The following UNC13C variants were observed in gnomAD, a reference collection of about 807,000 sequenced individuals.
UNC13C encodes the protein unc-13 homolog C.
A neutral mutation model predicts 245.4 loss-of-function variants in UNC13C; 174 were observed. The observed-to-expected ratio is 0.71, with a 90% confidence interval of 0.63 to 0.80. The LOEUF (loss-of-function observed/expected upper bound fraction) is 0.80. Ranked by LOEUF, UNC13C falls within the 30% of genes least tolerant of loss-of-function variation. The pLI, the probability that UNC13C is intolerant of heterozygous loss-of-function variation, is 0.00. For missense variants in UNC13C, 2,829 were observed against 2,602.9 expected, an observed-to-expected ratio of 1.09 and a Z score of -1.89; for synonymous variants, 992 against 895.1, an observed-to-expected ratio of 1.11 and a Z score of -1.93.
chr15:54,167,278 G>A (rs2033197923), intron 4 of UNC13C, among the ~76,000 whole-genome samples: 1 of 151,946 alleles, frequency 6.6e-6, no homozygotes, highest in Non-Finnish European at 1.5e-5. Flanking sequence ...CGAGGCAGGC[G>A]GATCACGAGG....
intron 1 of UNC13C, among the ~76,000 whole-genome samples, chr15:53,984,491 G>A (rs1894049478): frequency 6.6e-6 from 1 of 152,088 alleles, no homozygotes; most frequent in South Asian, 2.1e-4. Flanking sequence ...CAGTGTTTGT[G>A]CAAACTTTGG....
intron 2 of UNC13C, among the ~76,000 whole-genome samples, chr15:54,138,953 A>ATT (rs56255946): frequency 0.018 from 891 of 48,528 alleles, 202 homozygotes; most frequent in Non-Finnish European, 0.023. Flanking sequence ...ATTTCCCCTA[A>ATT]TTTTTTTTTT....
At chr15:54,131,977 T>C (rs2031446453) in intron 2 of UNC13C, among the ~76,000 whole-genome samples, 2 of 152,198 alleles carry the variant, frequency 1.3e-5, no homozygotes, top group Admixed American at 1.3e-4. Context: ...GCTGAAGAGT[T>C]AGAGGATCTC....
In UNC13C at chr15:54,143,670, C is replaced by A; in HGVS notation, c.3057C>A (p.Leu1019=). ...TGGATGCTTCCAAATTTTCTGCACT[C>A]CAGGTGTGTGGTGGGTAAGTACCTT... ...NDLDASKFSA[L]QVCGGAGGGL... The change falls in exon 4 of 33, where the codon CTC becomes CTA. Residue 1019 remains leucine (L), a synonymous_variant. Transcript: ENST00000260323. The A allele has an allele frequency of 1.9e-6, 3 of 1,613,052 alleles. No homozygotes were observed. The highest frequency in any genetic ancestry group is 2.5e-6 in the Non-Finnish European group (3 of 1,179,250).
At chr15:54,587,731 C>T (rs940877149) in intron 30 of UNC13C, among the ~76,000 whole-genome samples, 6 of 152,140 alleles carry the variant, frequency 3.9e-5, no homozygotes, top group African/African-American at 9.7e-5. Context: ...CCTCCCCATG[C>T]CCAGCCAACT....
intron 2 of UNC13C, among the ~76,000 whole-genome samples, chr15:54,071,442 A>C (rs945294259): frequency 8.5e-5 from 13 of 152,180 alleles, no homozygotes; most frequent in African/African-American, 2.9e-4. Flanking sequence ...GCATTTCACA[A>C]ATCAGATTAT....
chr15:54,478,828 C>T (rs140168154), intron 19 of UNC13C, among the ~76,000 whole-genome samples: 19,092 of 151,456 alleles, frequency 0.13, 1,184 homozygotes, highest in Non-Finnish European at 0.16. Context: ...CTATTAGGTC[C>T]GCTTGGTGCA....
At chr15:54,242,964 T>G (rs979292800) in intron 7 of UNC13C, among the ~76,000 whole-genome samples, 1 of 152,102 alleles carries the variant, frequency 6.6e-6, no homozygotes, top group Non-Finnish European at 1.5e-5. Context: ...ATCCGAAACA[T>G]TCTTCTCTTT....
intron 19 of UNC13C, among the ~76,000 whole-genome samples, chr15:54,460,251 A>G (rs1891762699): frequency 6.6e-6 from 1 of 152,186 alleles, no homozygotes; most frequent in Non-Finnish European, 1.5e-5. Context: ...ATCCATCTTC[A>G]TGTCTCCCAG....
intron 2 of UNC13C, among the ~76,000 whole-genome samples, chr15:54,077,271 C>T (rs1595817356): frequency 6.6e-6 from 1 of 151,562 alleles, no homozygotes; most frequent in South Asian, 2.1e-4. Flanking sequence ...TCTTATGGTG[C>T]ATTTTGATAC....
chr15:54,501,925 T>A (rs964937798), intron 22 of UNC13C, among the ~76,000 whole-genome samples: 3 of 152,154 alleles, frequency 2.0e-5, no homozygotes, highest in Non-Finnish European at 4.4e-5. Flanking sequence ...AGAGTGAAGA[T>A]ACCCCAGATC....
chr15:54,135,633 C>G (rs2031688481), intron 2 of UNC13C, among the ~76,000 whole-genome samples: 1 of 152,084 alleles, frequency 6.6e-6, no homozygotes, highest in African/African-American at 2.4e-5. Flanking sequence ...TATTTCTGAG[C>G]TCTCTCTTCT....
intron 2 of UNC13C, chr15:54,050,578 T>A (rs924669523): frequency 4.6e-5 from 20 of 431,144 alleles, no homozygotes; most frequent in Middle Eastern, 7.9e-4. Context: ...GCTGCTACAC[T>A]TTTTTCCACT....
intron 2 of UNC13C, among the ~76,000 whole-genome samples, chr15:54,130,287 ATTT>A: frequency 1.2e-5 from 1 of 81,274 alleles, no homozygotes; most frequent in East Asian, 3.5e-4. Context: ...TAGATAATTA[ATTT>A]TTTTTTTTTT....
At chr15:54,479,463 T>C (rs1429435075) in intron 19 of UNC13C, among the ~76,000 whole-genome samples, 1 of 152,128 alleles carries the variant, frequency 6.6e-6, no homozygotes, top group Non-Finnish European at 1.5e-5. Context: ...TATATGTATC[T>C]TTACAGGTGG....
chr15:53,995,523 G>A (rs1461560294), intron 1 of UNC13C, among the ~76,000 whole-genome samples: 1 of 113,888 alleles, frequency 8.8e-6, no homozygotes, highest in East Asian at 3.0e-4. Context: ...GTTTATACTT[G>A]ACTGCTTAAG....
At chr15:54,389,601 T>C (rs1208820139) in intron 17 of UNC13C, among the ~76,000 whole-genome samples, 2 of 152,210 alleles carry the variant, frequency 1.3e-5, no homozygotes, top group Admixed American at 1.3e-4. Context: ...GATACTAACA[T>C]AGAGTAGAAC....
At chr15:54,230,191 A>T (rs1463096177) in intron 4 of UNC13C, among the ~76,000 whole-genome samples, 1 of 141,538 alleles carries the variant, frequency 7.1e-6, no homozygotes, top group Non-Finnish European at 1.6e-5. Context: ...GGCTGTATTA[A>T]TTTACATTCC....
chr15:54,529,143 G>A (rs1237859987), intron 25 of UNC13C, among the ~76,000 whole-genome samples: 1 of 152,160 alleles, frequency 6.6e-6, no homozygotes, highest in African/African-American at 2.4e-5. Context: ...CAAGCCCAGA[G>A]GGGCAAGAAT....
Sources: gnomAD v4.1 joint callset for allele counts (sites outside exome capture counted in the v4.1 genomes callset) on GRCh38, gnomAD v4.1.1 for gene constraint, MANE v1.5 for transcripts, NCBI Gene and HGNC (gene_info 2026-07-23, HGNC 2026-07-21) for gene names.